Variants in KIAA1217 observed in about 807,000 individuals in gnomAD.
KIAA1217 encodes KIAA1217.
Under a neutral mutation model 163.9 loss-of-function variants are expected in KIAA1217, and 88 were observed. The ratio of observed to expected loss-of-function variants is 0.54; its 90% confidence interval spans 0.45 to 0.64. KIAA1217 has a LOEUF of 0.64. Ranked by LOEUF, KIAA1217 falls within the 30% of genes least tolerant of loss-of-function variation. The probability of loss-of-function intolerance (pLI) is 0.00; values close to 1 mark genes in which losing one functional copy is unlikely to be tolerated. For synonymous variants in KIAA1217, 903 were observed against 923.1 expected (o/e 0.98, Z 0.39); for missense variants, 2,372 against 2,475.0 (o/e 0.96, Z 0.88).
At chr10:24,341,948 G>C (rs2047153514) in intron 2 of KIAA1217, among the ~76,000 whole-genome samples, 1 of 152,064 alleles carries the variant, frequency 6.6e-6, no homozygotes, top group African/African-American at 2.4e-5. Flanking sequence ...AATTGATGTT[G>C]TTTGAAAAGA....
At chr10:24,391,114 A>G (rs1472372613) in intron 3 of KIAA1217, among the ~76,000 whole-genome samples, 1 of 151,882 alleles carries the variant, frequency 6.6e-6, no homozygotes, top group Non-Finnish European at 1.5e-5. Flanking sequence ...CCTTTTACCA[A>G]AAAAAATATA....
In KIAA1217 at chr10:24,095,232, G is replaced by A. The variant is rs370220852; in HGVS notation, c.-171+87858G>A. ...CCTGCTTCTGCTCGTGCACGGGTGC[G>A]CTGCACCCACTGTCCTGCGCCCACT... is the stretch of plus-strand genomic sequence containing the variant. On this transcript the variant is annotated intron_variant, in intron 2 of 18. Transcript: ENST00000376462. 1.4e-4 allele frequency among the ~76,000 whole-genome samples: 22 copies of A among 152,274 alleles called. No homozygotes were observed. In the South Asian group the frequency reaches 2.1e-3, roughly 14 times the overall value.
intron 1 of KIAA1217, among the ~76,000 whole-genome samples, chr10:23,754,118 C>T (rs1394965370): frequency 6.6e-6 from 1 of 152,154 alleles, no homozygotes; most frequent in East Asian, 1.9e-4. Flanking sequence ...TGGGTAGCAG[C>T]CAGTTCTTTT....
chr10:24,002,651 T>A (rs1240520618), intron 1 of KIAA1217, among the ~76,000 whole-genome samples: 1 of 152,152 alleles, frequency 6.6e-6, no homozygotes, highest in Non-Finnish European at 1.5e-5. Flanking sequence ...CAAATGCTAT[T>A]TTTTAAATTT....
intron 1 of KIAA1217, among the ~76,000 whole-genome samples, chr10:23,825,808 A>G (rs1837869970): frequency 6.6e-6 from 1 of 152,218 alleles, no homozygotes; most frequent in Non-Finnish European, 1.5e-5. Flanking sequence ...CTGAGATCCA[A>G]TGCTGACTTT....
chr10:23,701,093 C>T (rs559206007), intron 1 of KIAA1217, among the ~76,000 whole-genome samples: 4 of 152,248 alleles, frequency 2.6e-5, no homozygotes, highest in Admixed American at 1.3e-4. Context: ...TTTAGCACAG[C>T]GTCTGGCACT....
Position 23,707,210 on chromosome 10 carries a change from G to T in KIAA1217, c.-321+11976G>T, listed in dbSNP as rs1671818945. On this transcript the variant is annotated intron_variant, in intron 1 of 18. Coordinates refer to the KIAA1217 transcript ENST00000376462. ...ATGAAGGGAAGATTCCTGGTGCTGTGAGAGCATATAATATAGGGGTTTGGT... is the reference window on the plus strand; with the variant it reads ...ATGAAGGGAAGATTCCTGGTGCTGTTAGAGCATATAATATAGGGGTTTGGT... 2.0e-5 allele frequency among the ~76,000 whole-genome samples: 3 copies of T among 152,156 alleles called. No individual in the cohort carries two copies. The South Asian group carries it at 6.2e-4, about 31-fold the overall frequency.
At chr10:24,350,563 A>C (rs1177272933) in intron 2 of KIAA1217, among the ~76,000 whole-genome samples, 1 of 152,246 alleles carries the variant, frequency 6.6e-6, no homozygotes, top group Non-Finnish European at 1.5e-5. Flanking sequence ...GCCATAAAAC[A>C]TCAGTAATTA....
intron 1 of KIAA1217, among the ~76,000 whole-genome samples, chr10:23,793,430 A>T (rs1564427067): frequency 6.6e-6 from 1 of 152,158 alleles, no homozygotes; most frequent in South Asian, 2.1e-4. Context: ...GTGAGCCAAG[A>T]AGGCACATTC....
chr10:23,966,523 G>A (rs1845075273), intron 1 of KIAA1217, among the ~76,000 whole-genome samples: 1 of 152,168 alleles, frequency 6.6e-6, no homozygotes, highest in Admixed American at 6.5e-5. Flanking sequence ...TCAGCTGACA[G>A]CAGGTGCTCT....
At chr10:24,520,641 A>T (rs1303817051) in intron 11 of KIAA1217, among the ~76,000 whole-genome samples, 46 of 87,018 alleles carry the variant, frequency 5.3e-4, no homozygotes, top group African/African-American at 2.0e-3. Context: ...AAAAAAAAAA[A>T]AAAAAAAAAA....
intron 1 of KIAA1217, among the ~76,000 whole-genome samples, chr10:23,697,876 CAAA>C (rs763181707): frequency 7.7e-6 from 1 of 129,750 alleles, no homozygotes. Context: ...GACCCTGTCT[CAAA>C]AAAAAAAAAA....
At chr10:23,930,370 G>A (rs1303400292) in intron 1 of KIAA1217, among the ~76,000 whole-genome samples, 2 of 152,014 alleles carry the variant, frequency 1.3e-5, no homozygotes, top group African/African-American at 2.4e-5. Flanking sequence ...ATCTTATATA[G>A]TTATTATCTA....
At chr10:23,982,993 C>A (rs1341967170) in intron 1 of KIAA1217, among the ~76,000 whole-genome samples, 1 of 152,006 alleles carries the variant, frequency 6.6e-6, no homozygotes, top group African/African-American at 2.4e-5. Context: ...TAGCCTTGAT[C>A]TCGGCTGGGT....
chr10:24,045,118 T>C (rs1848904682), intron 2 of KIAA1217, among the ~76,000 whole-genome samples: 1 of 152,176 alleles, frequency 6.6e-6, no homozygotes, highest in African/African-American at 2.4e-5. Flanking sequence ...CAGGCATAGA[T>C]TTTTAGACCA....
intron 1 of KIAA1217, among the ~76,000 whole-genome samples, chr10:23,708,556 G>C (rs1037362753): frequency 6.6e-6 from 1 of 152,124 alleles, no homozygotes; most frequent in Non-Finnish European, 1.5e-5. Flanking sequence ...AGCTCTGAAG[G>C]ACAGGAAGAG....
intron 1 of KIAA1217, among the ~76,000 whole-genome samples, chr10:23,760,405 T>A (rs1834197217): frequency 1.3e-5 from 2 of 152,088 alleles, no homozygotes; most frequent in African/African-American, 4.8e-5. Context: ...AATAGTTGAG[T>A]TAGTTAAGTT....
chr10:24,366,017 T>C (rs1321196404), intron 2 of KIAA1217, among the ~76,000 whole-genome samples: 1 of 152,206 alleles, frequency 6.6e-6, no homozygotes, highest in Non-Finnish European at 1.5e-5. Flanking sequence ...CAGTAAGATA[T>C]GCAGCTATGG....
intron 2 of KIAA1217, among the ~76,000 whole-genome samples, chr10:24,019,412 A>C (rs1189610918): frequency 1.3e-5 from 2 of 152,058 alleles, no homozygotes; most frequent in Non-Finnish European, 2.9e-5. Context: ...AAATTTAAAA[A>C]ATAAAATAAA....
Sources: gnomAD v4.1 joint callset for allele counts (sites outside exome capture counted in the v4.1 genomes callset) on GRCh38, gnomAD v4.1.1 for gene constraint, MANE v1.5 for transcripts, NCBI Gene and HGNC (gene_info 2026-07-23, HGNC 2026-07-21) for gene names.